The following PPP1R9A variants were observed in gnomAD, a reference collection of about 807,000 sequenced individuals.
The protein encoded by PPP1R9A is protein phosphatase 1 regulatory subunit 9A, also known as neurabin-1.
A neutral mutation model predicts 141.9 loss-of-function variants in PPP1R9A; 59 were observed. The ratio of observed to expected loss-of-function variants is 0.42; its 90% CI spans 0.34 to 0.52. PPP1R9A has a LOEUF of 0.52. Ranked by LOEUF, PPP1R9A falls within the 20% of genes least tolerant of loss-of-function variation. The pLI, the probability that PPP1R9A is intolerant of heterozygous loss-of-function variation, is 0.10. For missense variants in PPP1R9A, 1,444 were observed against 1,611.9 expected, an observed-to-expected ratio of 0.90 and a Z score of 1.78; for synonymous variants, 500 against 569.7, an observed-to-expected ratio of 0.88 and a Z score of 1.74.
In PPP1R9A at chr7:95,024,104, T is replaced by G. The variant is rs553426292; in HGVS notation, c.1396-87155T>G. 3.2e-3 allele frequency among the ~76,000 whole-genome samples: 495 copies of G among 152,342 alleles called. 5 individuals are homozygous for G. The highest frequency in any genetic ancestry group is 0.011 in the African/African-American group (470 of 41,580). On this transcript the variant is annotated intron_variant, in intron 2 of 19. Transcript: ENST00000433360. ...GTAATTGTGTGGTTTTGAGTGAGTT[T>G]CTTAATCCTGAGTTCTAATTTGATT...
At chr7:94,929,719 C>T (rs1391985347) in intron 2 of PPP1R9A, among the ~76,000 whole-genome samples, 1 of 151,894 alleles carries the variant, frequency 6.6e-6, no homozygotes. Flanking sequence ...ATTAGAAAAC[C>T]ACTCTAATAG....
At chr7:95,282,455 C>T (rs1408987540) in intron 16 of PPP1R9A, among the ~76,000 whole-genome samples, 1 of 152,122 alleles carries the variant, frequency 6.6e-6, no homozygotes, top group Non-Finnish European at 1.5e-5. Flanking sequence ...GGGATGAGAC[C>T]ATCTCCATGG....
chr7:94,977,833 G>T (rs1006412688), intron 2 of PPP1R9A, among the ~76,000 whole-genome samples: 3 of 151,532 alleles, frequency 2.0e-5, no homozygotes, highest in South Asian at 2.1e-4. Context: ...CGTGATCTCG[G>T]CTCACTGCAA....
At chr7:95,176,142 C>T (rs937591184) in intron 5 of PPP1R9A, among the ~76,000 whole-genome samples, 2 of 152,176 alleles carry the variant, frequency 1.3e-5, no homozygotes, top group East Asian at 1.9e-4. Flanking sequence ...TGCTAGTATC[C>T]ATGGCTGAGA....
intron 5 of PPP1R9A, among the ~76,000 whole-genome samples, chr7:95,194,686 C>A: frequency 8.3e-6 from 1 of 120,862 alleles, no homozygotes; most frequent in African/African-American, 3.2e-5. Context: ...TAACCAGAAA[C>A]AGAAATTTAA....
chr7:95,109,977 A>C (rs897784941), intron 2 of PPP1R9A, among the ~76,000 whole-genome samples: 5 of 152,222 alleles, frequency 3.3e-5, no homozygotes, highest in Admixed American at 2.0e-4. Flanking sequence ...AGTAAGGTTT[A>C]CTATGGTGAA....
intron 5 of PPP1R9A, among the ~76,000 whole-genome samples, chr7:95,164,855 T>C (rs554507097): frequency 6.6e-6 from 1 of 151,802 alleles, no homozygotes; most frequent in African/African-American, 2.4e-5. Flanking sequence ...TTAAGAATAG[T>C]ATATCCAGCT....
chr7:95,082,770 T>C lies in PPP1R9A; in HGVS notation c.1396-28489T>C, dbSNP rs113733635. On this transcript the variant is annotated intron_variant, in intron 2 of 19. Transcript: ENST00000433360. ...AGTGTAGGGTGGAAGGGATTTCTTT[T>C]TTTTTTTTTTTTTTTTTTTGAGACG... Among the ~76,000 whole-genome samples, 582 of 59,782 alleles carry C rather than the reference T, an allele frequency of 9.7e-3. 38 individuals are homozygous for C. The highest frequency in any genetic ancestry group is 0.016 in the Middle Eastern group (2 of 124). 39.2% of individuals were successfully genotyped at this position (59,782 alleles called of 152,430 possible). A position where few individuals can be genotyped will look rare whatever the true frequency, so the allele number is the denominator to read the frequency against.
rs778056442 is a variant in PPP1R9A at position 94,929,520 on chromosome 7, T to A, written c.1395+18012T>A. Reference sequence around the variant, plus strand: ...GTCTTTTGCAGATCTCAGAGTATGATTTATTTATAGGCAAAATATTGTTGG... The same window carrying A: ...GTCTTTTGCAGATCTCAGAGTATGAATTATTTATAGGCAAAATATTGTTGG... On this transcript the variant is annotated intron_variant, in intron 2 of 19. Transcript: ENST00000433360. 5.5e-4 allele frequency among the ~76,000 whole-genome samples: 83 copies of A among 152,244 alleles called. 1 individual carries two copies. The highest frequency in any genetic ancestry group is 1.9e-3 in the Admixed American group (29 of 15,298).
At position 95,273,897 on chromosome 7, in the gene PPP1R9A, A is replaced by T; in HGVS notation, c.3125-2A>T. 6 of 1,497,148 alleles carry T rather than the reference A, an allele frequency of 4.0e-6. No homozygotes were observed. The highest frequency in any genetic ancestry group is 2.3e-5 in the East Asian group (1 of 44,074). The allele number at this position is 1,497,148 out of a possible 1,614,324, so 92.7% of individuals were successfully genotyped here. ...TCTTTTTCACAAATGTGTATATCCTAGATGATGCCAAAGATCCCAAATCAC... is the reference window on the plus strand; with the variant it reads ...TCTTTTTCACAAATGTGTATATCCTTGATGATGCCAAAGATCCCAAATCAC... On this transcript the variant is annotated splice_acceptor_variant, in intron 14 of 19. Transcript: ENST00000433360. LOFTEE classifies it high-confidence loss of function.
chr7:95,229,713 T>C (rs920235743), intron 8 of PPP1R9A, among the ~76,000 whole-genome samples: 9 of 152,008 alleles, frequency 5.9e-5, no homozygotes, highest in Admixed American at 1.3e-4. Flanking sequence ...AAGGTTATAA[T>C]CTCTTGGGAG....
At chr7:95,187,636 G>A (rs1359147536) in intron 5 of PPP1R9A, among the ~76,000 whole-genome samples, 2 of 152,110 alleles carry the variant, frequency 1.3e-5, no homozygotes, top group Non-Finnish European at 2.9e-5. Flanking sequence ...GATGTAGGCA[G>A]TTAATGCTAT....
intron 2 of PPP1R9A, among the ~76,000 whole-genome samples, chr7:95,031,823 G>T (rs1318407633): frequency 6.6e-6 from 1 of 151,818 alleles, no homozygotes; most frequent in Non-Finnish European, 1.5e-5. Flanking sequence ...GTTTTTGAAG[G>T]ACTAATTCAT....
At chr7:94,973,682 A>G (rs540853807) in intron 2 of PPP1R9A, among the ~76,000 whole-genome samples, 10 of 152,110 alleles carry the variant, frequency 6.6e-5, no homozygotes, top group African/African-American at 1.7e-4. Context: ...AGAGAAAACA[A>G]AAGTGGTGTT....
intron 4 of PPP1R9A, among the ~76,000 whole-genome samples, chr7:95,152,871 G>A (rs1322568741): frequency 7.5e-6 from 1 of 133,594 alleles, no homozygotes; most frequent in Non-Finnish European, 1.5e-5. Flanking sequence ...TTGAGGCAGA[G>A]ACAGTCTCAC....
At chr7:95,138,982 G>A (rs540518702) in intron 4 of PPP1R9A, among the ~76,000 whole-genome samples, 63 of 152,214 alleles carry the variant, frequency 4.1e-4, no homozygotes, top group African/African-American at 1.4e-3. Context: ...TTTTGATCCA[G>A]CAATTCCACT....
intron 2 of PPP1R9A, among the ~76,000 whole-genome samples, chr7:95,074,313 A>G (rs991422637): frequency 1.3e-5 from 2 of 152,152 alleles, no homozygotes; most frequent in Non-Finnish European, 2.9e-5. Context: ...ATCCCCCATT[A>G]CAAGCCATCG....
chr7:94,999,648 T>A (rs1158464651), intron 2 of PPP1R9A, among the ~76,000 whole-genome samples: 4 of 152,150 alleles, frequency 2.6e-5, no homozygotes, highest in African/African-American at 9.7e-5. Context: ...AATGAACAGA[T>A]GAACTAAGCC....
intron 2 of PPP1R9A, among the ~76,000 whole-genome samples, chr7:95,028,133 A>G (rs1807152671): frequency 6.6e-6 from 1 of 152,188 alleles, no homozygotes; most frequent in African/African-American, 2.4e-5. Context: ...CTGTATTGTG[A>G]TTATGGATAA....
Sources: gnomAD v4.1 joint callset for allele counts (sites outside exome capture counted in the v4.1 genomes callset) on GRCh38, gnomAD v4.1.1 for gene constraint, MANE v1.5 for transcripts, NCBI Gene and HGNC (gene_info 2026-07-23, HGNC 2026-07-21) for gene names.